Variants in PRR5 observed in about 807,000 individuals in gnomAD.
The protein encoded by PRR5 is proline-rich protein 5.
PRR5 carries 25 observed loss-of-function variants against 30.6 expected under a neutral mutation model. The ratio of observed to expected loss-of-function variants is 0.82; its 90% CI spans 0.60 to 1.14. The LOEUF (loss-of-function observed/expected upper bound fraction) is 1.14. Ranked by LOEUF, PRR5 falls within the 50% of genes most tolerant of loss-of-function variation. The pLI is 0.00. For synonymous variants in PRR5, 286 were observed against 247.1 expected, an observed-to-expected ratio of 1.16 and a Z score of -1.48; for missense variants, 600 against 547.1, an observed-to-expected ratio of 1.10 and a Z score of -0.96.
At chr22:44,725,030 A>T (rs1930468758) in intron 2 of PRR5, among the ~76,000 whole-genome samples, 1 of 152,040 alleles carries the variant, frequency 6.6e-6, no homozygotes, top group Non-Finnish European at 1.5e-5. Context: ...GATCTAGTTG[A>T]TGAGCTGCCA....
chr22:44,714,532 G>A, intron 1 of PRR5, 59 bp from the exon 2 acceptor site: 1 of 1,599,942 alleles, frequency 6.3e-7, no homozygotes. Flanking sequence ...GGGGCCTGAT[G>A]GGCAACCAGG....
intron 1 of PRR5, among the ~76,000 whole-genome samples, chr22:44,705,740 G>A (rs1927090351): frequency 6.6e-6 from 1 of 150,382 alleles, no homozygotes; most frequent in Middle Eastern, 3.5e-3. Flanking sequence ...TTCTCCTGTC[G>A]CAGCCTCCCT....
At chr22:44,710,105 G>C (rs1280257291) in intron 1 of PRR5, among the ~76,000 whole-genome samples, 1 of 152,112 alleles carries the variant, frequency 6.6e-6, no homozygotes, top group Non-Finnish European at 1.5e-5. Flanking sequence ...GCAGCCAAAG[G>C]GAGGCCATGG....
At chr22:44,697,520 C>T (rs1229445276), upstream of PRR5, among the ~76,000 whole-genome samples, 2 of 152,264 alleles carry the variant, frequency 1.3e-5, no homozygotes, top group East Asian at 3.8e-4. Flanking sequence ...CCGGGACTGA[C>T]CAGGCTGCTC....
intron 1 of PRR5, among the ~76,000 whole-genome samples, chr22:44,681,632 G>A (rs1361837920): frequency 1.3e-5 from 2 of 151,676 alleles, no homozygotes; most frequent in African/African-American, 4.8e-5. Flanking sequence ...CCTTTTTGAA[G>A]AGTCCAGCAG....
At chr22:44,709,830 T>C (rs781399709) in intron 1 of PRR5, among the ~76,000 whole-genome samples, 1 of 151,980 alleles carries the variant, frequency 6.6e-6, no homozygotes, top group Non-Finnish European at 1.5e-5. Flanking sequence ...CCAGCCTAGG[T>C]GACAGAACGA....
intron 1 of PRR5, among the ~76,000 whole-genome samples, chr22:44,709,884 C>T (rs1197368256): frequency 1.3e-5 from 2 of 152,150 alleles, no homozygotes; most frequent in African/African-American, 4.8e-5. Flanking sequence ...AACTTCCGAC[C>T]TCAGAACCGT....
Position 44,736,992 on chromosome 22 carries a change from C to A in PRR5, c.912C>A (p.Thr304=), listed in dbSNP as rs759190486. Residue 304 remains threonine, a synonymous_variant, in exon 8 of 8, where the codon ACC becomes ACA. Coordinates refer to ENST00000336985, the MANE Select transcript of PRR5 (RefSeq NM_181333.4). ...CCGACCCGCCCGGCCAGGGCCCCAC[C>A]GGGACCTTCAGGTCCTCCCCGGCGC... ...GFSDPPGQGP[T]GTFRSSPAPH... 6.2e-7 allele frequency: 1 copy of A among 1,600,300 alleles called. No individual in the cohort carries two copies. The highest frequency in any genetic ancestry group is 1.7e-5 in the Admixed American group (1 of 59,694).
At chr22:44,712,441 C>T (rs1426891905) in intron 1 of PRR5, among the ~76,000 whole-genome samples, 1 of 152,170 alleles carries the variant, frequency 6.6e-6, no homozygotes, top group Admixed American at 6.5e-5. Flanking sequence ...CCTGCGCCAG[C>T]GAGGACAGGG....
At chr22:44,684,917 C>A (rs1185196586) in intron 1 of PRR5, among the ~76,000 whole-genome samples, 1 of 152,206 alleles carries the variant, frequency 6.6e-6, no homozygotes, top group African/African-American at 2.4e-5. Context: ...TTACTGCCCT[C>A]TTGTGGCTCT....
At chr22:44,717,271 G>A (rs148588298) in intron 2 of PRR5, among the ~76,000 whole-genome samples, 16,352 of 144,814 alleles carry the variant, frequency 0.11, 1,184 homozygotes, top group East Asian at 0.29. Flanking sequence ...AGCTCACTGC[G>A]ACCTCCGCCT....
At chr22:44,726,739 C>T (rs977060358) in intron 4 of PRR5, 105 bp downstream of exon 4, 1 of 1,552,470 alleles carries the variant, frequency 6.4e-7, no homozygotes, top group Non-Finnish European at 8.8e-7. Flanking sequence ...AGGTGTGGCT[C>T]TCTGGTCCGG....
chr22:44,685,299 A>C (rs2146954310), intron 1 of PRR5, among the ~76,000 whole-genome samples: 1 of 152,350 alleles, frequency 6.6e-6, no homozygotes, highest in South Asian at 2.1e-4. Context: ...GCAAGGCCTC[A>C]GTCTCACCAT....
rs755944988 is a variant in PRR5 at position 44,737,033 on chromosome 22, G to T, written c.953G>T (p.Cys318Phe). ...RSSPAPHSGP[C>F]PSRLYPTTQP... ...TCCCCGGCGCCCCACTCAGGGCCCT[G>T]CCCCAGCAGACTGTACCCCACGACC... Residue 318 changes from cysteine (C) to phenylalanine (F), a missense_variant, in exon 8 of 8, where the codon TGC (cysteine) becomes TTC (phenylalanine). Transcript: ENST00000336985. 1 of 1,603,370 alleles carries T rather than the reference G, an allele frequency of 6.2e-7. No homozygotes were observed. Among genetic ancestry groups the T allele is most frequent in the Non-Finnish European group, 8.5e-7 (1 of 1,175,018 alleles).
rs558207047 is a variant in PRR5 at position 44,690,225 on chromosome 22, A to C, written c.-10-12267A>C. On this transcript the variant is annotated intron_variant, in intron 1 of 8. Transcript: ENST00000006251. ...GAGCCCCCAGGAGAGGAAGCACCGG[A>C]TCAGGGATCCCCAGCTCTGTGTGGG... Among the ~76,000 whole-genome samples the C allele has an allele frequency of 4.6e-5, 7 of 152,252 alleles. No individual in the cohort carries two copies. In the South Asian group the frequency reaches 1.5e-3, roughly 32 times the overall value.
rs1249625928 is a variant in PRR5 at position 44,671,022 on chromosome 22, G to A, written c.-11+2217G>A. Among the ~76,000 whole-genome samples the A allele has an allele frequency of 2.0e-5, 3 of 152,200 alleles. No individual in the cohort carries two copies. In the East Asian group the frequency reaches 5.8e-4, roughly 29 times the overall value. On this transcript the variant is annotated intron_variant, in intron 1 of 8. Coordinates refer to the PRR5 transcript ENST00000432186. ...TACTCATTCATGAAGACCTTCCCCA[G>A]GCCCCACAGATGGCAAGGAGGGCCC...
At chr22:44,669,424 G>A (rs1029710029) in intron 1 of PRR5, among the ~76,000 whole-genome samples, 1 of 152,168 alleles carries the variant, frequency 6.6e-6, no homozygotes, top group African/African-American at 2.4e-5. Flanking sequence ...GAGGCAGCAG[G>A]CAGACCCCGG....
chr22:44,735,411 G>A (rs1055153419), intron 7 of PRR5, among the ~76,000 whole-genome samples: 1 of 152,214 alleles, frequency 6.6e-6, no homozygotes, highest in Admixed American at 6.5e-5. Flanking sequence ...TGTTCCCCAG[G>A]AGGCCACATT....
intron 1 of PRR5, among the ~76,000 whole-genome samples, chr22:44,702,907 C>A (rs1161740456): frequency 6.6e-6 from 1 of 152,232 alleles, no homozygotes; most frequent in African/African-American, 2.4e-5. Context: ...GCCTCCTACC[C>A]GGGGTCTTTC....
Sources: gnomAD v4.1 joint callset for allele counts (sites outside exome capture counted in the v4.1 genomes callset) on GRCh38, gnomAD v4.1.1 for gene constraint, MANE v1.5 for transcripts, NCBI Gene and HGNC (gene_info 2026-07-23, HGNC 2026-07-21) for gene names.